PEMT: variants seen among roughly 807,000 people sequenced by gnomAD.
The protein encoded by PEMT is phosphatidylethanolamine N-methyltransferase.
Under a neutral mutation model 27.4 loss-of-function variants are expected in PEMT, and 23 were observed. The observed-to-expected ratio is 0.84, with a 90% CI of 0.60 to 1.19. PEMT has a LOEUF of 1.19. PEMT is among the 50% of genes most tolerant of loss of function. The probability of loss-of-function intolerance (pLI) is 0.00; values close to 1 mark genes in which losing one functional copy is unlikely to be tolerated. For synonymous variants in PEMT, 137 were observed against 139.1 expected (o/e 0.98, Z 0.11); for missense variants, 307 against 310.1 (o/e 0.99, Z 0.07).
intron 1 of PEMT, among the ~76,000 whole-genome samples, chr17:17,590,123 C>T (rs1377435405): frequency 6.6e-6 from 1 of 152,070 alleles, no homozygotes; most frequent in Non-Finnish European, 1.5e-5. Flanking sequence ...CATGACCCCC[C>T]ATCTTGATCT....
chr17:17,546,232 G>A (rs1909252290), intron 2 of PEMT, among the ~76,000 whole-genome samples: 1 of 152,204 alleles, frequency 6.6e-6, no homozygotes, highest in Non-Finnish European at 1.5e-5. Flanking sequence ...GAGAAGAAAG[G>A]AGATGATGGC....
chr17:17,576,208 G>A (rs1057167008), intron 2 of PEMT, among the ~76,000 whole-genome samples: 1 of 152,072 alleles, frequency 6.6e-6, no homozygotes, highest in African/African-American at 2.4e-5. Context: ...TGGGAGGTGT[G>A]GGAGGCATCT....
chr17:17,583,098 G>A (rs1015600430), intron 1 of PEMT, among the ~76,000 whole-genome samples: 5 of 151,476 alleles, frequency 3.3e-5, no homozygotes, highest in South Asian at 4.2e-4. Flanking sequence ...TTCTCTGGCC[G>A]TGCCCAGTGG....
At chr17:17,529,154 C>T (rs924103070) in intron 2 of PEMT, among the ~76,000 whole-genome samples, 1 of 152,200 alleles carries the variant, frequency 6.6e-6, no homozygotes, top group African/African-American at 2.4e-5. Context: ...GGCGGCTCTC[C>T]GAGGTCGCAC....
intron 2 of PEMT, among the ~76,000 whole-genome samples, chr17:17,569,935 C>T (rs936209318): frequency 5.9e-5 from 9 of 152,150 alleles, no homozygotes; most frequent in Non-Finnish European, 1.3e-4. Context: ...TGCCAGGAAT[C>T]GCTGAGCCTG....
rs992934259 is a variant in PEMT, at chr17:17,528,087, C to T, written c.205-5692G>A. ...TGCTGGGGAGGAGCTGGTGTTTCCACGAGCTTTGCCAAGGGCCCACGGAAC... is the reference window on the plus strand; with the variant it reads ...TGCTGGGGAGGAGCTGGTGTTTCCATGAGCTTTGCCAAGGGCCCACGGAAC... On this transcript the variant is annotated intron_variant, in intron 2 of 6. Coordinates refer to ENST00000255389, the MANE Select transcript of PEMT (RefSeq NM_148172.3). Among the ~76,000 whole-genome samples, 7 of 152,258 alleles carry T rather than the reference C, an allele frequency of 4.6e-5. No individual in the cohort carries two copies. The East Asian group carries it at 5.8e-4, about 13-fold the overall frequency.
chr17:17,526,548 C>T (rs1203509899), intron 2 of PEMT, among the ~76,000 whole-genome samples: 1 of 152,244 alleles, frequency 6.6e-6, no homozygotes, highest in East Asian at 1.9e-4. Flanking sequence ...CCGTCTCTCC[C>T]CCTATCCGTG....
intron 2 of PEMT, among the ~76,000 whole-genome samples, chr17:17,546,870 C>T (rs1567708714): frequency 6.6e-6 from 1 of 152,252 alleles, no homozygotes; most frequent in Non-Finnish European, 1.5e-5. Context: ...AAAGTTGGTT[C>T]ATTTGCTACG....
chr17:17,508,725 G>C (rs560633775), intron 5 of PEMT: 1 of 461,298 alleles, frequency 2.2e-6, no homozygotes. Context: ...CCCGCCGGGG[G>C]AGCACATCTC....
At chr17:17,565,811 A>G (rs1244447928) in intron 2 of PEMT, among the ~76,000 whole-genome samples, 1 of 152,266 alleles carries the variant, frequency 6.6e-6, no homozygotes, top group Non-Finnish European at 1.5e-5. Context: ...AGAATTTTCT[A>G]GGCAAGAGTT....
intron 2 of PEMT, chr17:17,571,038 T>G (rs1911164126): frequency 3.6e-6 from 1 of 279,918 alleles, no homozygotes; most frequent in African/African-American, 2.3e-5. Flanking sequence ...CCCTGAGGAG[T>G]CCAGGCCACA....
chr17:17,551,403 C>T (rs1909642715), intron 2 of PEMT, among the ~76,000 whole-genome samples: 1 of 152,268 alleles, frequency 6.6e-6, no homozygotes, highest in Non-Finnish European at 1.5e-5. Flanking sequence ...CAGAGGGCCA[C>T]ACACGGTGGT....
At chr17:17,586,216 A>AAAAAG in intron 1 of PEMT, among the ~76,000 whole-genome samples, 1 of 79,328 alleles carries the variant, frequency 1.3e-5, no homozygotes, top group South Asian at 4.7e-4. Flanking sequence ...GAAAGAAAGA[A>AAAAAG]AAAGAAAGAA....
chr17:17,507,043 G>T, intron 5 of PEMT: 2 of 910,942 alleles, frequency 2.2e-6, no homozygotes, highest in South Asian at 3.1e-5. Flanking sequence ...ACCAGCTCCT[G>T]ACCCCGCCAC....
At position 17,513,065 on chromosome 17, in the gene PEMT, G is replaced by A. The variant is rs572895431; in HGVS notation, c.321-411C>T. Among the ~76,000 whole-genome samples the A allele has an allele frequency of 6.6e-6, 1 of 152,318 alleles. No individual in the cohort carries two copies. The highest frequency in any genetic ancestry group is 1.5e-5 in the Non-Finnish European group (1 of 68,024). On this transcript the variant is annotated intron_variant, in intron 3 of 6. Transcript: ENST00000255389. This position sits in a 1 kb window ranked among gnomAD's most constrained non-coding sequence, Gnocchi z 4.1. ...GAGGAAAGTGAGGCTCAGGAAAGAC[G>A]CAGGTGCCAGGTTGCAGGGCAGGCC...
Position 17,512,294 on chromosome 17 carries a change from C to T in PEMT, c.466+215G>A, listed in dbSNP as rs762220839. Among the ~76,000 whole-genome samples the T allele has an allele frequency of 1.3e-5, 2 of 152,186 alleles. No homozygotes were observed. The highest frequency in any genetic ancestry group is 6.5e-5 in the Admixed American group (1 of 15,282). ...CTGCCTTCACTCCCCAGGAGGCAGCCGCTCAGCACGCTGGGGTAAGAGGAG... is the reference window on the plus strand; with the variant it reads ...CTGCCTTCACTCCCCAGGAGGCAGCTGCTCAGCACGCTGGGGTAAGAGGAG... On this transcript the variant is annotated intron_variant, in intron 4 of 6. Coordinates refer to ENST00000255389, the MANE Select transcript of PEMT (RefSeq NM_148172.3). This position sits in a 1 kb window ranked among gnomAD's most constrained non-coding sequence, Gnocchi z 6.3.
At chr17:17,533,322 C>T (rs534162350) in intron 2 of PEMT, among the ~76,000 whole-genome samples, 83 of 152,296 alleles carry the variant, frequency 5.4e-4, no homozygotes, top group Non-Finnish European at 8.4e-4. Flanking sequence ...ACATCATATA[C>T]AAAAACTAAC....
chr17:17,537,303 C>A (rs1479560898), intron 2 of PEMT, among the ~76,000 whole-genome samples: 1 of 152,178 alleles, frequency 6.6e-6, no homozygotes, highest in East Asian at 1.9e-4. Context: ...CTGGGCCTGG[C>A]CCCCTTTGCC....
intron 1 of PEMT, among the ~76,000 whole-genome samples, chr17:17,581,153 A>G (rs1013152707): frequency 2.0e-5 from 3 of 152,050 alleles, no homozygotes; most frequent in African/African-American, 7.2e-5. Context: ...CATCTTCCTG[A>G]GTGTAAATGA....
Sources: allele counts gnomAD v4.1 joint callset (sites outside exome capture counted in the v4.1 genomes callset), GRCh38; gene constraint gnomAD v4.1.1; non-coding constraint Gnocchi (gnomAD v3.1); transcripts MANE v1.5; gene names NCBI Gene and HGNC (gene_info 2026-07-23, HGNC 2026-07-21).